Variants in MYRIP observed in about 807,000 individuals in gnomAD.
MYRIP encodes rab effector MyRIP.
Under a neutral mutation model 98.0 loss-of-function variants are expected in MYRIP, and 49 were observed. The ratio of observed to expected loss-of-function variants is 0.50; its 90% CI spans 0.40 to 0.63. MYRIP has a LOEUF of 0.63. MYRIP is among the 30% of genes least tolerant of loss of function. MYRIP has a pLI of 0.00. For synonymous variants in MYRIP, 404 were observed against 409.5 expected (o/e 0.99, Z 0.16); for missense variants, 1,004 against 1,058.2 (o/e 0.95, Z 0.71).
intron 1 of MYRIP, among the ~76,000 whole-genome samples, chr3:39,872,949 C>T (rs113279969): frequency 1.8e-3 from 273 of 152,292 alleles, no homozygotes; most frequent in South Asian, 4.6e-3. Context: ...TTTACAGTCC[C>T]CCCAACAGTG....
chr3:40,234,990 C>CG (rs1952787856), intron 12 of MYRIP, among the ~76,000 whole-genome samples: 3 of 110,084 alleles, frequency 2.7e-5, no homozygotes, highest in Non-Finnish European at 3.7e-5. Flanking sequence ...AAGACCCTGT[C>CG]TCAAAAAAAA....
intron 2 of MYRIP, among the ~76,000 whole-genome samples, chr3:39,905,315 C>G (rs1687979408): frequency 6.6e-6 from 1 of 152,168 alleles, no homozygotes; most frequent in African/African-American, 2.4e-5. Context: ...CTTCATAAAT[C>G]TAAACATGTG....
intron 2 of MYRIP, among the ~76,000 whole-genome samples, chr3:39,979,658 A>AC (rs1559546321): frequency 1.4e-5 from 2 of 148,130 alleles, no homozygotes; most frequent in African/African-American, 2.6e-5. Flanking sequence ...AACAAAACAA[A>AC]AAAAAAAAAA....
chr3:40,204,986 C>A (rs997835261), intron 10 of MYRIP, among the ~76,000 whole-genome samples: 4 of 152,144 alleles, frequency 2.6e-5, no homozygotes, highest in African/African-American at 9.7e-5. Flanking sequence ...GCTGTCCAAT[C>A]CCAGGACAGC....
intron 10 of MYRIP, among the ~76,000 whole-genome samples, chr3:40,201,419 A>G (rs1209370124): frequency 4.4e-5 from 1 of 22,698 alleles, no homozygotes; most frequent in East Asian, 1.2e-3. Context: ...TTGTTTTTTA[A>G]ATCAATGTAA....
intron 3 of MYRIP, among the ~76,000 whole-genome samples, chr3:40,136,823 C>A (rs188914958): frequency 1.8e-3 from 278 of 152,294 alleles, no homozygotes; most frequent in Non-Finnish European, 3.2e-3. Flanking sequence ...TAAATATGTT[C>A]TTTGAAACCA....
At chr3:39,815,530 AT>A (rs1280890042) in intron 1 of MYRIP, among the ~76,000 whole-genome samples, 1 of 152,104 alleles carries the variant, frequency 6.6e-6, no homozygotes, top group African/African-American at 2.4e-5. Flanking sequence ...CATTTTTAAA[AT>A]TGGTTATTGC....
At position 40,190,296 on chromosome 3, in the gene MYRIP, C is replaced by A. The variant is rs1336666055; in HGVS notation, c.1498C>A (p.Pro500Thr). Reference sequence around the variant, plus strand: ...TGGAGAGCTGGACGTGAACTTCAACCCCCAGTTGGCCAGCAGGGAGACCTC... The same window carrying A: ...TGGAGAGCTGGACGTGAACTTCAACACCCAGTTGGCCAGCAGGGAGACCTC... The part of the protein sequence containing the change: ...LHGELDVNFN[P>T]QLASRETSDS... Residue 500 changes from proline to threonine, a missense_variant, in exon 10 of 17, where the codon CCC becomes ACC. Physicochemically the swap from Pro to Thr is conservative, Grantham distance 38. This residue lies in a region of MYRIP where 880 missense variants were observed against 907.7 expected (regional missense o/e 0.97). Coordinates refer to ENST00000302541, the MANE Select transcript of MYRIP (RefSeq NM_015460.4). 1.9e-6 allele frequency: 3 copies of A among 1,614,034 alleles called. No homozygotes were observed. The highest frequency in any genetic ancestry group is 1.1e-5 in the South Asian group (1 of 91,066).
At chr3:39,923,751 A>G (rs973620072) in intron 2 of MYRIP, among the ~76,000 whole-genome samples, 1 of 152,180 alleles carries the variant, frequency 6.6e-6, no homozygotes, top group South Asian at 2.1e-4. Context: ...CCTTTTCTAA[A>G]TATATTTTTA....
At chr3:40,029,163 G>A (rs955419426) in intron 2 of MYRIP, among the ~76,000 whole-genome samples, 2 of 152,132 alleles carry the variant, frequency 1.3e-5, no homozygotes, top group Non-Finnish European at 2.9e-5. Flanking sequence ...TTATACTGTT[G>A]AGAGATGTCA....
intron 8 of MYRIP, among the ~76,000 whole-genome samples, chr3:40,180,143 C>T (rs1280056459): frequency 6.6e-6 from 1 of 152,160 alleles, no homozygotes; most frequent in Non-Finnish European, 1.5e-5. Flanking sequence ...GACACTCAGC[C>T]AAAAGCCACT....
chr3:40,004,069 T>C (rs959186760), intron 2 of MYRIP, among the ~76,000 whole-genome samples: 9 of 152,204 alleles, frequency 5.9e-5, no homozygotes, highest in African/African-American at 2.2e-4. Context: ...TAGGTGTCTA[T>C]GAACATGTTT....
At chr3:40,207,335 G>A (rs17076767) in intron 10 of MYRIP, among the ~76,000 whole-genome samples, 6,172 of 152,214 alleles carry the variant, frequency 0.041, 305 homozygotes, top group African/African-American at 0.11. Flanking sequence ...CCTGCTCAGA[G>A]GTCATTCTTC....
At chr3:40,039,865 G>A (rs1417166108) in intron 2 of MYRIP, among the ~76,000 whole-genome samples, 1 of 151,994 alleles carries the variant, frequency 6.6e-6, no homozygotes, top group Non-Finnish European at 1.5e-5. Flanking sequence ...GGCGCTGGAA[G>A]GGCCACACTC....
chr3:40,160,652 T>G (rs976436580), intron 4 of MYRIP, among the ~76,000 whole-genome samples: 2 of 152,240 alleles, frequency 1.3e-5, no homozygotes, highest in South Asian at 4.1e-4. Context: ...CGAGACTCCG[T>G]GGGCGTAGGA....
intron 2 of MYRIP, among the ~76,000 whole-genome samples, chr3:40,038,267 G>A (rs1228873462): frequency 6.6e-6 from 1 of 152,082 alleles, no homozygotes; most frequent in Non-Finnish European, 1.5e-5. Context: ...TGTGTTGAGA[G>A]AGTTTTATAG....
chr3:40,013,026 A>C (rs1946795490), intron 2 of MYRIP, among the ~76,000 whole-genome samples: 3 of 152,050 alleles, frequency 2.0e-5, no homozygotes, highest in Admixed American at 2.0e-4. Flanking sequence ...GCACTTACTG[A>C]GGGAGGAATT....
chr3:39,899,923 C>T (rs536561431), intron 1 of MYRIP, among the ~76,000 whole-genome samples: 46 of 152,262 alleles, frequency 3.0e-4, no homozygotes, highest in African/African-American at 1.1e-3. Flanking sequence ...CAGGTTCAAA[C>T]GATTCTCCTG....
chr3:40,096,127 A>G (rs1364041709), intron 3 of MYRIP, among the ~76,000 whole-genome samples: 2 of 149,866 alleles, frequency 1.3e-5, no homozygotes, highest in Admixed American at 1.3e-4. Flanking sequence ...GTTGGCCTTC[A>G]TAGGTTTTCT....
Sources: gnomAD v4.1 joint callset for allele counts (sites outside exome capture counted in the v4.1 genomes callset) on GRCh38, gnomAD v4.1.1 for gene constraint, gnomAD v4.1.1 regional missense constraint, MANE v1.5 for transcripts, NCBI Gene and HGNC (gene_info 2026-07-23, HGNC 2026-07-21) for gene names.